CHL1: variants seen among roughly 807,000 people sequenced by gnomAD.
CHL1 encodes the protein neural cell adhesion molecule L1-like protein.
CHL1 carries 96 observed loss-of-function variants against 141.9 expected under a neutral mutation model. The ratio of observed to expected loss-of-function variants is 0.68; its 90% CI spans 0.57 to 0.80. CHL1 has a LOEUF of 0.80. CHL1 is among the 30% of genes least tolerant of loss of function. The pLI, the probability that CHL1 is intolerant of heterozygous loss-of-function variation, is 0.00. For synonymous variants in CHL1, 613 were observed against 502.2 expected, an observed-to-expected ratio of 1.22 and a Z score of -2.95; for missense variants, 1,820 against 1,457.2, an observed-to-expected ratio of 1.25 and a Z score of -4.05.
chr3:332,236 A>G (rs1318985761), intron 5 of CHL1, among the ~76,000 whole-genome samples: 1 of 152,238 alleles, frequency 6.6e-6, no homozygotes, highest in African/African-American at 2.4e-5. Flanking sequence ...AATAGTAAAT[A>G]AAACGTCAAG....
At chr3:319,434 A>G (rs1700386877) in intron 2 of CHL1, among the ~76,000 whole-genome samples, 1 of 151,858 alleles carries the variant, frequency 6.6e-6, no homozygotes, top group African/African-American at 2.4e-5. Context: ...CTTCCAAGTA[A>G]AACTTCCTCT....
rs1364617557 is a variant in CHL1, at chr3:408,160, C to G, written c.*2449C>G. The G allele has an allele frequency of 6.6e-6, 1 of 152,040 alleles. No individual in the cohort carries two copies. Among genetic ancestry groups the G allele is most frequent in the Non-Finnish European group, 1.5e-5 (1 of 68,000 alleles). The allele number at this position is 152,040 out of a possible 1,614,324, so 9.4% of individuals were successfully genotyped here. A position where few individuals can be genotyped will look rare whatever the true frequency, so the allele number is the denominator to read the frequency against. On this transcript the variant is annotated 3_prime_UTR_variant, in exon 28 of 28. Coordinates refer to ENST00000256509, the MANE Select transcript of CHL1 (RefSeq NM_006614.4). ...AGAAAATGAGTAACAGAGTCCACGGCGTGCAATGGTAATTATAAATTGGTG... is the reference window on the plus strand; with the variant it reads ...AGAAAATGAGTAACAGAGTCCACGGGGTGCAATGGTAATTATAAATTGGTG...
chr3:350,283 G>C (rs766063066), intron 10 of CHL1, among the ~76,000 whole-genome samples: 3 of 152,176 alleles, frequency 2.0e-5, no homozygotes, highest in Non-Finnish European at 2.9e-5. Context: ...GTGGAATGTA[G>C]TTATTAGTGC....
At position 366,654 on chromosome 3, in the gene CHL1, G is replaced by A. The variant is rs531689187; in HGVS notation, c.1751+539G>A. Among the ~76,000 whole-genome samples the A allele has an allele frequency of 5.4e-5, 8 of 148,750 alleles. No homozygotes were observed. The South Asian group carries it at 6.4e-4, about 12-fold the overall frequency. ...GAAATGGAAACCACTCTAAGTAACC[G>A]AGGAAGAATTGCATGGGCTTGGATG... is the stretch of plus-strand genomic sequence containing the variant. On this transcript the variant is annotated intron_variant, in intron 15 of 27. Transcript: ENST00000256509.
In CHL1 at chr3:348,779, G is replaced by A. The variant is rs145754261; in HGVS notation, c.849-580G>A. The stretch of plus-strand genomic sequence containing the variant: ...CAAGGGCGAGAACGTGATCCAGGAG[G>A]CAGTATCTGTGCTGCAGATTCCAGC... On this transcript the variant is annotated intron_variant, in intron 9 of 27. Coordinates refer to ENST00000256509, the MANE Select transcript of CHL1 (RefSeq NM_006614.4). 6.3e-3 allele frequency among the ~76,000 whole-genome samples: 964 copies of A among 152,294 alleles called. 9 individuals are homozygous for A. The highest frequency in any genetic ancestry group is 6.6e-3 in the Non-Finnish European group (452 of 68,026).
At position 274,271 on chromosome 3, in the gene CHL1, T is replaced by G. The variant is rs533602107; in HGVS notation, c.-95+29579T>G. Among the ~76,000 whole-genome samples the G allele has an allele frequency of 3.3e-5, 5 of 152,298 alleles. No individual in the cohort carries two copies. In the East Asian group the frequency reaches 9.6e-4, roughly 29 times the overall value. On this transcript the variant is annotated intron_variant, in intron 2 of 27. Transcript: ENST00000256509. ...AAGCAGATCTAGACAGAGTACCACA[T>G]GCAATTTCTGGTCACCCTAAAACAT... is the stretch of plus-strand genomic sequence containing the variant.
chr3:209,502 TC>T (rs994543611), intron 1 of CHL1, among the ~76,000 whole-genome samples: 33 of 152,282 alleles, frequency 2.2e-4, no homozygotes, highest in African/African-American at 7.7e-4. Context: ...ATGGAACCAA[TC>T]CTTCCTAGTG....
At chr3:400,938 G>C in intron 26 of CHL1, among the ~76,000 whole-genome samples, 1 of 90,844 alleles carries the variant, frequency 1.1e-5, no homozygotes, top group South Asian at 3.4e-4. Flanking sequence ...GTCTTGTTCT[G>C]TTGCCCAGGC....
rs776785227 is a variant in CHL1 at position 399,142 on chromosome 3, T to C, written c.3379T>C (p.Tyr1127His). ...TGTGAAGAGGAATAGAGGTGGAAAG[T>C]ACTCAGGTAAAATTGTTTCTTAATG... is the stretch of plus-strand genomic sequence containing the variant. ...CFVKRNRGGKYSVKEKEDLHP... is the reference protein window; with the variant it reads ...CFVKRNRGGKHSVKEKEDLHP... Residue 1127 changes from tyrosine (Y) to histidine (H), a missense_variant, in exon 26 of 28, where the codon TAC becomes CAC. Coordinates refer to ENST00000256509, the MANE Select transcript of CHL1 (RefSeq NM_006614.4). 1.4e-5 allele frequency: 23 copies of C among 1,609,506 alleles called. No homozygotes were observed. The highest frequency in any genetic ancestry group is 4.4e-5 in the South Asian group (4 of 90,788).
chr3:325,407 GA>G (rs1444571413), intron 3 of CHL1, among the ~76,000 whole-genome samples: 5 of 151,656 alleles, frequency 3.3e-5, no homozygotes, highest in African/African-American at 1.2e-4. Context: ...TTCAAAAAAG[GA>G]AAAATCTATT....
At chr3:393,824 A>C (rs1366845836) in intron 23 of CHL1, among the ~76,000 whole-genome samples, 2 of 152,096 alleles carry the variant, frequency 1.3e-5, no homozygotes, top group African/African-American at 4.8e-5. Context: ...TTGAATGCCT[A>C]GTTTGTTTGT....
chr3:343,607 G>T (rs536504660), intron 8 of CHL1, among the ~76,000 whole-genome samples: 1 of 152,298 alleles, frequency 6.6e-6, no homozygotes, highest in East Asian at 1.9e-4. Context: ...AATCTGAGTT[G>T]TATAGCAGGC....
intron 13 of CHL1, 98 bp from the exon 14 acceptor site, chr3:363,119 T>C (rs1213946654): frequency 2.0e-5 from 20 of 991,948 alleles, no homozygotes. Context: ...TCTGAGCTAT[T>C]GAAAGGGGAT....
intron 5 of CHL1, 148 bp from the exon 6 acceptor site, chr3:340,646 C>G (rs62227256): frequency 0.071 from 45,669 of 641,622 alleles, 1,863 homozygotes; most frequent in Non-Finnish European, 0.084. Context: ...TAGTATTTAA[C>G]TCTGAAGGGG....
intron 10 of CHL1, among the ~76,000 whole-genome samples, chr3:352,199 A>G (rs1703327587): frequency 6.6e-6 from 1 of 152,156 alleles, no homozygotes; most frequent in Admixed American, 6.5e-5. Flanking sequence ...CCTTGTTTTC[A>G]AATAACAAAC....
At chr3:311,557 C>G (rs1055455479) in intron 2 of CHL1, among the ~76,000 whole-genome samples, 1 of 152,078 alleles carries the variant, frequency 6.6e-6, no homozygotes, top group Non-Finnish European at 1.5e-5. Flanking sequence ...CAGCTGCTCC[C>G]ACATAATCCA....
Position 328,328 on chromosome 3 carries a change from C to G in CHL1, c.359C>G (p.Ser120Ter). 1 of 1,611,336 alleles carries G rather than the reference C, an allele frequency of 6.2e-7. No individual in the cohort carries two copies. Among genetic ancestry groups the G allele is most frequent in the Non-Finnish European group, 8.5e-7 (1 of 1,178,628 alleles). The change falls in exon 5 of 28, where the codon TCA becomes TGA. Residue 120 changes from serine (S) to a stop codon, truncating the protein, a stop_gained. Transcript: ENST00000256509. LOFTEE classifies it high-confidence loss of function. ...TCAAATAAACTGGGAATCGCTATGT[C>G]AGAAGAAATAGAATTTATAGTTCCA... ...FASNKLGIAMSEEIEFIVPSV... is the reference protein window; with the variant it reads ...FASNKLGIAM
chr3:383,470 T>C (rs375379297), intron 18 of CHL1, among the ~76,000 whole-genome samples: 1 of 152,042 alleles, frequency 6.6e-6, no homozygotes, highest in Non-Finnish European at 1.5e-5. Flanking sequence ...ATAGAAAAAA[T>C]AGAGCAGGCT....
intron 1 of CHL1, among the ~76,000 whole-genome samples, chr3:228,104 TAG>T (rs1019416200): frequency 6.6e-5 from 10 of 152,174 alleles, no homozygotes; most frequent in Admixed American, 2.6e-4. Flanking sequence ...AACAAGACCA[TAG>T]CTGGAGTGAA....
Sources: gnomAD v4.1 joint callset for allele counts (sites outside exome capture counted in the v4.1 genomes callset) on GRCh38, gnomAD v4.1.1 for gene constraint, MANE v1.5 for transcripts, NCBI Gene and HGNC (gene_info 2026-07-23, HGNC 2026-07-21) for gene names.